ATXN1: variants seen among roughly 807,000 people sequenced by gnomAD.
ATXN1 encodes the protein ataxin-1.
Under a neutral mutation model 56.4 loss-of-function variants are expected in ATXN1, and 8 were observed. That is an observed-to-expected ratio of 0.14 (90% CI 0.08 to 0.26). The LOEUF (loss-of-function observed/expected upper bound fraction) is 0.26. ATXN1 is among the 10% of genes least tolerant of loss of function. The probability of loss-of-function intolerance (pLI) is 1.00; values close to 1 mark genes in which losing one functional copy is unlikely to be tolerated. For missense variants in ATXN1, 987 were observed against 1,106.5 expected, an observed-to-expected ratio of 0.89 and a Z score of 1.53; for synonymous variants, 514 against 494.6, an observed-to-expected ratio of 1.04 and a Z score of -0.52.
chr6:16,536,998 C>T (rs1761613160), intron 4 of ATXN1, among the ~76,000 whole-genome samples: 1 of 151,526 alleles, frequency 6.6e-6, no homozygotes, highest in South Asian at 2.1e-4. Context: ...GTTATTTACT[C>T]ATTCTACCTT....
chr6:16,396,904 G>C (rs751863370), intron 6 of ATXN1, among the ~76,000 whole-genome samples: 2 of 152,240 alleles, frequency 1.3e-5, no homozygotes, highest in African/African-American at 2.4e-5. Flanking sequence ...GCTGAGTGCT[G>C]TAGGCAATCG....
rs1341890745 is a variant in ATXN1, at chr6:16,363,209, T to C, written c.-160-34739A>G. ...AACTTGGAAAACAGCATCTATCAAC[T>C]TCTAGATCTAAGCTCTCTGAGAGCA... On this transcript the variant is annotated intron_variant, in intron 6 of 7. Transcript: ENST00000436367. Among the ~76,000 whole-genome samples the C allele has an allele frequency of 1.3e-5, 2 of 152,254 alleles. 1 individual carries two copies. The highest frequency in any genetic ancestry group is 2.9e-5 in the Non-Finnish European group (2 of 68,050).
At position 16,440,649 on chromosome 6, in the gene ATXN1, A is replaced by AAAAAAAAAAAAAAAAAAAGAAAG. The variant is rs56105499; in HGVS notation, c.-161+45322_-161+45323insCTTTCTTTTTTTTTTTTTTTTTT. On this transcript the variant is annotated intron_variant, in intron 6 of 7. Transcript: ENST00000436367. ...GAGTGAGACCCTGTCTTAAAAAAAAAAAAGAAAAGAAAAGAAAAAATTAAA... is the reference window on the plus strand; with the variant it reads ...GAGTGAGACCCTGTCTTAAAAAAAAAAAAAAAAAAAAAAAAAAAGAAAGAAAGAAAAGAAAAGAAAAAATTAAA... 5.3e-5 allele frequency among the ~76,000 whole-genome samples: 6 copies of AAAAAAAAAAAAAAAAAAAGAAAG among 113,658 alleles called. No homozygotes were observed. The South Asian group carries it at 8.6e-4, about 16-fold the overall frequency. The allele number at this position is 113,658 out of a possible 152,430, so 74.6% of individuals were successfully genotyped here. A position where few individuals can be genotyped will look rare whatever the true frequency, so the allele number is the denominator to read the frequency against.
At chr6:16,444,001 A>T (rs1481011734) in intron 6 of ATXN1, among the ~76,000 whole-genome samples, 2 of 151,920 alleles carry the variant, frequency 1.3e-5, no homozygotes, top group African/African-American at 2.4e-5. Flanking sequence ...CTGTAGTCCC[A>T]GCTACTCGGG....
At chr6:16,379,895 G>T (rs1762217188) in intron 6 of ATXN1, among the ~76,000 whole-genome samples, 1 of 152,132 alleles carries the variant, frequency 6.6e-6, no homozygotes, top group Non-Finnish European at 1.5e-5. Context: ...GGCTTAAAAA[G>T]TAAGAAAAGA....
Position 16,303,745 on chromosome 6 carries a change from G to T in ATXN1, c.*2584C>A, listed in dbSNP as rs1175144807. 1 of 152,596 alleles carries T rather than the reference G, an allele frequency of 6.6e-6. No homozygotes were observed. Among genetic ancestry groups the T allele is most frequent in the Non-Finnish European group, 1.5e-5 (1 of 68,036 alleles). 9.5% of individuals were successfully genotyped at this position (152,596 alleles called of 1,614,324 possible). A position where few individuals can be genotyped will look rare whatever the true frequency, so the allele number is the denominator to read the frequency against. ...TTCAATACTCGAAGTAAGCCAAAAG[G>T]TGGTGTGTGTTTTTCTGAGTCCACA... On this transcript the variant is annotated 3_prime_UTR_variant, in exon 8 of 8. Transcript: ENST00000436367. The surrounding 1 kb of genome is among the most constrained non-coding windows in gnomAD (Gnocchi z 4.3).
chr6:16,438,688 T>C (rs1229056925), intron 6 of ATXN1, among the ~76,000 whole-genome samples: 8 of 152,254 alleles, frequency 5.3e-5, no homozygotes, highest in African/African-American at 1.9e-4. Flanking sequence ...TATCCAAGAA[T>C]GATTTATACC....
chr6:16,719,124 T>A (rs1759697322), intron 2 of ATXN1, among the ~76,000 whole-genome samples: 1 of 152,196 alleles, frequency 6.6e-6, no homozygotes, highest in Admixed American at 6.5e-5. Flanking sequence ...TCAACGCAAT[T>A]AAGAGAAATC....
chr6:16,360,491 C>G (rs1430300881), intron 6 of ATXN1, among the ~76,000 whole-genome samples: 2 of 152,220 alleles, frequency 1.3e-5, no homozygotes, highest in Non-Finnish European at 2.9e-5. Flanking sequence ...CTGGCTGAGC[C>G]TCCCACATCA....
At chr6:16,532,713 C>A (rs1178641790) in intron 4 of ATXN1, among the ~76,000 whole-genome samples, 1 of 151,964 alleles carries the variant, frequency 6.6e-6, no homozygotes, top group Non-Finnish European at 1.5e-5. Flanking sequence ...ACAAAAAAAA[C>A]AACCCCCAAA....
At chr6:16,423,643 C>T (rs549945873) in intron 6 of ATXN1, among the ~76,000 whole-genome samples, 1 of 152,074 alleles carries the variant, frequency 6.6e-6, no homozygotes, top group Admixed American at 6.6e-5. Context: ...GTGGGCAGGG[C>T]CTAGCCTTGA....
intron 3 of ATXN1, among the ~76,000 whole-genome samples, chr6:16,597,422 A>C (rs1762834863): frequency 6.7e-6 from 1 of 150,132 alleles, no homozygotes; most frequent in Non-Finnish European, 1.5e-5. Flanking sequence ...GCTGGTCCTC[A>C]ACAAGCAGCA....
intron 2 of ATXN1, among the ~76,000 whole-genome samples, chr6:16,686,999 T>C (rs999941555): frequency 6.6e-6 from 1 of 152,168 alleles, no homozygotes; most frequent in Non-Finnish European, 1.5e-5. Flanking sequence ...GGAATTACAA[T>C]CTTAATGGGA....
At chr6:16,605,140 T>C (rs1762980854) in intron 3 of ATXN1, among the ~76,000 whole-genome samples, 1 of 152,230 alleles carries the variant, frequency 6.6e-6, no homozygotes, top group Admixed American at 6.5e-5. Flanking sequence ...AATGCCCAAT[T>C]ACTATGCAGC....
At chr6:16,642,193 C>A (rs1324478204) in intron 3 of ATXN1, among the ~76,000 whole-genome samples, 1 of 152,150 alleles carries the variant, frequency 6.6e-6, no homozygotes, top group East Asian at 1.9e-4. Flanking sequence ...AGAGGCCATC[C>A]TGGCTAACAC....
chr6:16,453,549 T>C (rs565537966), intron 6 of ATXN1, among the ~76,000 whole-genome samples: 34 of 152,218 alleles, frequency 2.2e-4, no homozygotes, highest in Non-Finnish European at 4.3e-4. Flanking sequence ...TAATGAACTT[T>C]ACTGAAATGT....
At chr6:16,527,626 G>C (rs556536576) in intron 4 of ATXN1, among the ~76,000 whole-genome samples, 7 of 152,236 alleles carry the variant, frequency 4.6e-5, no homozygotes, top group Admixed American at 3.9e-4. Context: ...ATTTTTAAGG[G>C]GAGTGGTAAT....
rs888631250 is a variant in ATXN1, at chr6:16,403,199, T to G, written c.-160-74729A>C. Among the ~76,000 whole-genome samples, 8 of 152,242 alleles carry G rather than the reference T, an allele frequency of 5.3e-5. No individual in the cohort carries two copies. The South Asian group carries it at 1.5e-3, about 28-fold the overall frequency. On this transcript the variant is annotated intron_variant, in intron 6 of 7. Transcript: ENST00000436367. ...CCAGAATTCTGCCACATCCCAAACC[T>G]AGCAGACCAAGTTCAACTTTGGAAA...
chr6:16,421,327 G>A (rs1759027078), intron 6 of ATXN1, among the ~76,000 whole-genome samples: 2 of 150,152 alleles, frequency 1.3e-5, no homozygotes, highest in Non-Finnish European at 3.0e-5. Flanking sequence ...CACTTTAACA[G>A]TAGAAAGGAC....
Sources: gnomAD v4.1 joint callset for allele counts (sites outside exome capture counted in the v4.1 genomes callset) on GRCh38, gnomAD v4.1.1 for gene constraint, Gnocchi (gnomAD v3.1) non-coding constraint, MANE v1.5 for transcripts, NCBI Gene and HGNC (gene_info 2026-07-23, HGNC 2026-07-21) for gene names.